Variants in FAM149A observed in about 807,000 individuals in gnomAD.
The protein encoded by FAM149A is family with sequence similarity 149 member A.
FAM149A carries 71 observed loss-of-function variants against 78.2 expected under a neutral mutation model. The observed-to-expected ratio is 0.91, with a 90% CI of 0.75 to 1.11. The LOEUF is 1.11. Ranked by LOEUF, FAM149A falls within the 50% of genes least tolerant of loss-of-function variation. The probability of loss-of-function intolerance (pLI) is 0.00; values close to 1 mark genes in which losing one functional copy is unlikely to be tolerated. For synonymous variants in FAM149A, 446 were observed against 410.5 expected (o/e 1.09, Z -1.04); for missense variants, 1,036 against 971.0 (o/e 1.07, Z -0.89).
rs201887086 is a variant in FAM149A at position 186,162,973 on chromosome 4, T to C, written c.1679+25T>C. The C allele has an allele frequency of 1.4e-5, 19 of 1,312,826 alleles. No individual in the cohort carries two copies. The African/African-American group carries it at 2.2e-4, about 15-fold the overall frequency. The allele number at this position is 1,312,826 out of a possible 1,614,324, so 81.3% of individuals were successfully genotyped here. ...AGTACGTATCAGAATCAGTAGTAGTTACCCAGCCTCTTCCCTGTGCTGCAA... is the reference window on the plus strand; with the variant it reads ...AGTACGTATCAGAATCAGTAGTAGTCACCCAGCCTCTTCCCTGTGCTGCAA... On this transcript the variant is annotated intron_variant, in intron 9 of 13. Coordinates refer to ENST00000389354, the MANE Select transcript of FAM149A (RefSeq NM_001367768.3).
At chr4:186,112,262 G>A (rs1258095546) in intron 1 of FAM149A, among the ~76,000 whole-genome samples, 3 of 150,994 alleles carry the variant, frequency 2.0e-5, no homozygotes, top group Non-Finnish European at 2.9e-5. Flanking sequence ...CTGAGACTTC[G>A]CTGAAGTTGC....
At chr4:186,126,713 G>C (rs1352839476) in intron 1 of FAM149A, among the ~76,000 whole-genome samples, 1 of 152,130 alleles carries the variant, frequency 6.6e-6, no homozygotes, top group East Asian at 1.9e-4. Context: ...TCACACTCGG[G>C]CTGGATCACA....
intron 10 of FAM149A, among the ~76,000 whole-genome samples, chr4:186,163,862 T>C (rs1366371611): frequency 6.6e-6 from 1 of 152,254 alleles, no homozygotes; most frequent in Non-Finnish European, 1.5e-5. Context: ...GGAATGAGCC[T>C]CTGATGCTGG....
intron 1 of FAM149A, among the ~76,000 whole-genome samples, chr4:186,120,786 T>A (rs1579792374): frequency 2.2e-5 from 2 of 89,230 alleles, no homozygotes; most frequent in South Asian, 5.1e-4. Flanking sequence ...AGAGCAAGAC[T>A]CCATCTCAAA....
At chr4:186,109,100 G>A (rs2099310132) in intron 1 of FAM149A, 1 of 758,888 alleles carries the variant, frequency 1.3e-6, no homozygotes, top group Non-Finnish European at 1.6e-6. Context: ...GCCCGCCTCG[G>A]CCTCCCGAAG....
intron 5 of FAM149A, 104 bp from the exon 6 acceptor site, chr4:186,154,364 G>C (rs1733861544): frequency 2.2e-6 from 2 of 927,408 alleles, no homozygotes; most frequent in East Asian, 2.7e-5. Context: ...GGGAGGGGGG[G>C]ATTCTGTACT....
chr4:186,167,355 C>T, intron 13 of FAM149A, 93 bp downstream of exon 13: 1 of 1,234,980 alleles, frequency 8.1e-7, no homozygotes, highest in Non-Finnish European at 1.2e-6. Flanking sequence ...CTTGATAAGC[C>T]TATTTTGCTG....
chr4:186,164,555 T>C lies in FAM149A; in HGVS notation c.1890-789T>C, dbSNP rs2126534175. 1 of 889,492 alleles carries C rather than the reference T, an allele frequency of 1.1e-6. No homozygotes were observed. Among genetic ancestry groups the C allele is most frequent in the Non-Finnish European group, 1.3e-6 (1 of 742,288 alleles). The allele number at this position is 889,492 out of a possible 1,614,324, so 55.1% of individuals were successfully genotyped here. A position where few individuals can be genotyped will look rare whatever the true frequency, so the allele number is the denominator to read the frequency against. Reference sequence around the variant, plus strand: ...GACTGTTTCTTTCACAGTTTGGGACTGATGTTTCCAGCTGTGTTGGGTCTG... The same window carrying C: ...GACTGTTTCTTTCACAGTTTGGGACCGATGTTTCCAGCTGTGTTGGGTCTG... On this transcript the variant is annotated intron_variant, in intron 10 of 13. Coordinates refer to ENST00000389354, the MANE Select transcript of FAM149A (RefSeq NM_001367768.3). The surrounding 1 kb of genome is among the most constrained non-coding windows in gnomAD (Gnocchi z 4.0).
In FAM149A at chr4:186,113,699, C is replaced by T. The variant is rs376705943; in HGVS notation, c.566+8057C>T. On this transcript the variant is annotated intron_variant, in intron 1 of 13. Coordinates refer to ENST00000389354, the MANE Select transcript of FAM149A (RefSeq NM_001367768.3). The stretch of plus-strand genomic sequence containing the variant: ...GTTGTTCAGTTTCCATGTAGTTGAG[C>T]GGTTTTGAGTGAGATTCTTAATCCT... 7.3e-5 allele frequency among the ~76,000 whole-genome samples: 11 copies of T among 150,562 alleles called. No homozygotes were observed. The East Asian group carries it at 7.8e-4, about 11-fold the overall frequency.
chr4:186,157,467 T>C (rs766915985), intron 7 of FAM149A, 98 bp from the exon 8 acceptor site: 5 of 1,251,118 alleles, frequency 4.0e-6, no homozygotes, highest in Non-Finnish European at 5.6e-6. Context: ...GGGCTCGTGG[T>C]AGCTCAAGCA....
At chr4:186,168,406 A>G (rs1320853248) in intron 13 of FAM149A, among the ~76,000 whole-genome samples, 1 of 152,138 alleles carries the variant, frequency 6.6e-6, no homozygotes, top group Non-Finnish European at 1.5e-5. Context: ...CCCAGGCTGG[A>G]GTGCAGTGGT....
At chr4:186,129,918 G>A (rs1417325313) in intron 1 of FAM149A, 1 of 152,170 alleles carries the variant, frequency 6.6e-6, no homozygotes, top group Non-Finnish European at 1.5e-5. Flanking sequence ...ATTGGTAGAA[G>A]TACCAAGGGC....
chr4:186,158,692 G>C (rs1406442689), intron 8 of FAM149A: 2 of 1,099,572 alleles, frequency 1.8e-6, no homozygotes, highest in African/African-American at 3.4e-5. Flanking sequence ...TGCTCAGCCT[G>C]AGGCTGCAGA....
At chr4:186,128,323 A>AT (rs2126336028) in intron 1 of FAM149A, among the ~76,000 whole-genome samples, 1 of 152,190 alleles carries the variant, frequency 6.6e-6, no homozygotes, top group East Asian at 1.9e-4. Context: ...CATTGATAAA[A>AT]TTAGTCCTAC....
chr4:186,153,577 T>C, intron 4 of FAM149A, 68 bp from the exon 5 acceptor site: 2 of 1,563,910 alleles, frequency 1.3e-6, no homozygotes, highest in Non-Finnish European at 8.7e-7. Flanking sequence ...GTCTCCTACT[T>C]TTAAAATCTC....
At chr4:186,116,201 C>G (rs1430313717) in intron 1 of FAM149A, among the ~76,000 whole-genome samples, 1 of 138,724 alleles carries the variant, frequency 7.2e-6, no homozygotes, top group Non-Finnish European at 1.6e-5. Flanking sequence ...CAAGGGAACT[C>G]CCTGACCCCT....
At chr4:186,131,387 C>G (rs188636251) in intron 1 of FAM149A, among the ~76,000 whole-genome samples, 7 of 151,376 alleles carry the variant, frequency 4.6e-5, no homozygotes, top group Admixed American at 4.0e-4. Flanking sequence ...CTCTCCCACT[C>G]TCCATGTACA....
At chr4:186,128,314 A>G (rs1477598520) in intron 1 of FAM149A, among the ~76,000 whole-genome samples, 1 of 152,006 alleles carries the variant, frequency 6.6e-6, no homozygotes, top group Non-Finnish European at 1.5e-5. Flanking sequence ...AATGCAAGTC[A>G]TTGATAAAAT....
rs543737334 is a variant in FAM149A at position 186,152,183 on chromosome 4, G to T, written c.932+138G>T. 5.3e-6 allele frequency: 4 copies of T among 749,058 alleles called. No homozygotes were observed. In the East Asian group the frequency reaches 1.1e-4, roughly 20 times the overall value. 46.4% of individuals were successfully genotyped at this position (749,058 alleles called of 1,614,324 possible). On this transcript the variant is annotated intron_variant, in intron 4 of 13. Coordinates refer to ENST00000389354, the MANE Select transcript of FAM149A (RefSeq NM_001367768.3). ...TGGATGCAGAGCGCAGTCCTTCACT[G>T]AGAGATCACTTTCCTCTTACGGCGT...
Sources: allele counts gnomAD v4.1 joint callset (sites outside exome capture counted in the v4.1 genomes callset), GRCh38; gene constraint gnomAD v4.1.1; non-coding constraint Gnocchi (gnomAD v3.1); transcripts MANE v1.5; gene names NCBI Gene and HGNC (gene_info 2026-07-23, HGNC 2026-07-21).